HCN1: variants seen among roughly 807,000 people sequenced by gnomAD.
The protein encoded by HCN1 is hyperpolarization activated cyclic nucleotide gated potassium channel 1, also known as potassium/sodium hyperpolarization-activated cyclic nucleotide-gated channel 1.
In HCN1, 13 loss-of-function variants were observed where a neutral mutation model predicts 78.9. The observed-to-expected ratio is 0.16, with a 90% CI of 0.11 to 0.26. The LOEUF (loss-of-function observed/expected upper bound fraction) is 0.26, where lower values mean the gene tolerates loss of function less well. Ranked by LOEUF, HCN1 falls within the 10% of genes least tolerant of loss-of-function variation. HCN1 has a pLI of 1.00. For synonymous variants in HCN1, 552 were observed against 455.5 expected, an observed-to-expected ratio of 1.21 and a Z score of -2.70; for missense variants, 810 against 1,154.3, an observed-to-expected ratio of 0.70 and a Z score of 4.32.
At chr5:45,590,927 G>T (rs968486310) in intron 2 of HCN1, among the ~76,000 whole-genome samples, 2 of 152,048 alleles carry the variant, frequency 1.3e-5, no homozygotes, top group Non-Finnish European at 2.9e-5. Context: ...AAACGCCTGG[G>T]CTCAAACAAT....
intron 3 of HCN1, among the ~76,000 whole-genome samples, chr5:45,450,449 C>G (rs1386059090): frequency 6.6e-6 from 1 of 152,158 alleles, no homozygotes; most frequent in Non-Finnish European, 1.5e-5. Context: ...TTGAATGTCT[C>G]TTTCCTAATT....
intron 5 of HCN1, among the ~76,000 whole-genome samples, chr5:45,306,946 A>G (rs1252559676): frequency 3.3e-5 from 5 of 152,204 alleles, no homozygotes; most frequent in Non-Finnish European, 4.4e-5. Flanking sequence ...AAATGCAATT[A>G]TTTCTTTCCT....
At chr5:45,400,429 G>T (rs202030715) in intron 3 of HCN1, among the ~76,000 whole-genome samples, 366 of 118,770 alleles carry the variant, frequency 3.1e-3, no homozygotes, top group African/African-American at 0.012. Context: ...ATGGAGTTTC[G>T]CTCTTGTTGC....
At chr5:45,369,614 T>C (rs1747311406) in intron 4 of HCN1, among the ~76,000 whole-genome samples, 1 of 152,082 alleles carries the variant, frequency 6.6e-6, no homozygotes. Flanking sequence ...TCATCAATAT[T>C]CTTCAGTGGT....
intron 4 of HCN1, among the ~76,000 whole-genome samples, chr5:45,376,978 G>C (rs1231502679): frequency 2.0e-5 from 3 of 151,832 alleles, no homozygotes; most frequent in Non-Finnish European, 4.4e-5. Flanking sequence ...AGAAAAATAG[G>C]GCATATGAAG....
chr5:45,428,752 G>C (rs1309549753), intron 3 of HCN1, among the ~76,000 whole-genome samples: 1 of 151,938 alleles, frequency 6.6e-6, no homozygotes, highest in Non-Finnish European at 1.5e-5. Context: ...CAAAAAGATA[G>C]AAAGGCTGGA....
At chr5:45,294,917 C>A (rs1158389350) in intron 6 of HCN1, among the ~76,000 whole-genome samples, 1 of 152,178 alleles carries the variant, frequency 6.6e-6, no homozygotes, top group South Asian at 2.1e-4. Context: ...CTGGGTTTCT[C>A]CCTTCTCAAG....
intron 3 of HCN1, among the ~76,000 whole-genome samples, chr5:45,407,399 G>T (rs1035669696): frequency 1.3e-5 from 2 of 151,986 alleles, no homozygotes; most frequent in Admixed American, 1.3e-4. Context: ...ACTATGTCAC[G>T]AGTTTATGTA....
intron 3 of HCN1, among the ~76,000 whole-genome samples, chr5:45,440,502 C>T (rs1214912771): frequency 6.6e-6 from 1 of 152,174 alleles, no homozygotes; most frequent in Non-Finnish European, 1.5e-5. Context: ...ATATGACACA[C>T]ATTTTCAAAT....
intron 1 of HCN1, among the ~76,000 whole-genome samples, chr5:45,687,067 T>C (rs1580050710): frequency 6.6e-6 from 1 of 152,246 alleles, no homozygotes; most frequent in Admixed American, 6.5e-5. Flanking sequence ...GGATTTCTTA[T>C]GGAGATTACT....
intron 2 of HCN1, among the ~76,000 whole-genome samples, chr5:45,639,274 A>G (rs1188934382): frequency 3.9e-5 from 6 of 152,220 alleles, no homozygotes; most frequent in Non-Finnish European, 8.8e-5. Flanking sequence ...AGCAGAATCA[A>G]TATTTGCTTG....
chr5:45,493,053 A>G (rs1393311823), intron 2 of HCN1, among the ~76,000 whole-genome samples: 1 of 152,118 alleles, frequency 6.6e-6, no homozygotes, highest in Non-Finnish European at 1.5e-5. Flanking sequence ...GTATATATTA[A>G]TTGTAGACTA....
intron 2 of HCN1, among the ~76,000 whole-genome samples, chr5:45,618,599 T>C (rs1744999664): frequency 6.6e-6 from 1 of 152,148 alleles, no homozygotes; most frequent in Non-Finnish European, 1.5e-5. Flanking sequence ...TCACCCAATG[T>C]AAGGAAGGCA....
intron 4 of HCN1, among the ~76,000 whole-genome samples, chr5:45,359,279 A>T (rs1230928583): frequency 6.6e-6 from 1 of 152,032 alleles, no homozygotes; most frequent in Non-Finnish European, 1.5e-5. Flanking sequence ...TAAATTGAAA[A>T]ATAGCAAATT....
chr5:45,374,218 G>A (rs189341447), intron 4 of HCN1, among the ~76,000 whole-genome samples: 46 of 101,012 alleles, frequency 4.6e-4, no homozygotes, highest in South Asian at 1.2e-3. Flanking sequence ...TATATATTAT[G>A]TACATTATAT....
At chr5:45,324,089 C>T (rs1014888176) in intron 5 of HCN1, among the ~76,000 whole-genome samples, 1 of 92,466 alleles carries the variant, frequency 1.1e-5, no homozygotes, top group African/African-American at 6.9e-5. Context: ...AATGGGATGG[C>T]TGGGTCAAAT....
chr5:45,315,177 C>T (rs1003888949), intron 5 of HCN1, among the ~76,000 whole-genome samples: 5 of 152,196 alleles, frequency 3.3e-5, no homozygotes, highest in Admixed American at 6.5e-5. Flanking sequence ...AAGCTCTCCT[C>T]AGCAAATGTA....
intron 6 of HCN1, among the ~76,000 whole-genome samples, chr5:45,271,667 T>A (rs1456222969): frequency 6.6e-6 from 1 of 152,162 alleles, no homozygotes; most frequent in Non-Finnish European, 1.5e-5. Context: ...CTCCAGTGCC[T>A]ACATGACAGA....
At chr5:45,624,114 T>A (rs999098147) in intron 2 of HCN1, among the ~76,000 whole-genome samples, 1 of 152,216 alleles carries the variant, frequency 6.6e-6, no homozygotes, top group African/African-American at 2.4e-5. Context: ...CCAAGTCAGA[T>A]AATGCAGGAC....
Sources: gnomAD v4.1 joint callset for allele counts (sites outside exome capture counted in the v4.1 genomes callset) on GRCh38, gnomAD v4.1.1 for gene constraint, MANE v1.5 for transcripts, NCBI Gene and HGNC (gene_info 2026-07-23, HGNC 2026-07-21) for gene names.